Variants in RBKS observed in about 807,000 individuals in gnomAD.
RBKS encodes the protein ribokinase.
RBKS carries 33 observed loss-of-function variants against 33.9 expected under a neutral mutation model. The ratio of observed to expected loss-of-function variants is 0.97; its 90% CI spans 0.74 to 1.30. The LOEUF is 1.30. RBKS is among the 50% of genes most tolerant of loss of function. The pLI is 0.00. For synonymous variants in RBKS, 125 were observed against 143.0 expected (o/e 0.87, Z 0.90); for missense variants, 361 against 392.6 (o/e 0.92, Z 0.68).
Position 27,782,890 on chromosome 2 carries a change from T to G in RBKS, c.796-1102A>C, listed in dbSNP as rs142948029. On this transcript the variant is annotated intron_variant, in intron 7 of 7. Transcript: ENST00000302188. Reference sequence around the variant, plus strand: ...TTAAGGGTGGGGTTTCTATGCTCTATCTCCTTAAGGGTGGAGTTTCTACAT... The same window carrying G: ...TTAAGGGTGGGGTTTCTATGCTCTAGCTCCTTAAGGGTGGAGTTTCTACAT... 5.9e-3 allele frequency among the ~76,000 whole-genome samples: 904 copies of G among 152,314 alleles called. 14 individuals carry two copies. The highest frequency in any genetic ancestry group is 0.021 in the African/African-American group (856 of 41,554).
intron 1 of RBKS, among the ~76,000 whole-genome samples, chr2:27,885,875 A>T (rs1432239588): frequency 6.6e-6 from 1 of 152,188 alleles, no homozygotes; most frequent in Non-Finnish European, 1.5e-5. Flanking sequence ...ATGAATAATT[A>T]AAAAAATGGG....
At chr2:27,865,043 G>GGGC (rs1422328688) in intron 1 of RBKS, among the ~76,000 whole-genome samples, 1 of 152,126 alleles carries the variant, frequency 6.6e-6, no homozygotes, top group Admixed American at 6.5e-5. Flanking sequence ...TCTTTAGGCC[G>GGGC]GGCGCGACGG....
At chr2:27,791,198 G>A (rs1343992925) in intron 7 of RBKS, among the ~76,000 whole-genome samples, 1 of 152,204 alleles carries the variant, frequency 6.6e-6, no homozygotes, top group Admixed American at 6.5e-5. Context: ...TATGAGTTTT[G>A]TGATGGTGAA....
chr2:27,883,878 A>C (rs976472102), intron 1 of RBKS, among the ~76,000 whole-genome samples: 1 of 152,048 alleles, frequency 6.6e-6, no homozygotes, highest in Non-Finnish European at 1.5e-5. Context: ...TTTAATGTAT[A>C]TTTTCATTAA....
chr2:27,846,647 A>T (rs1202936765), intron 4 of RBKS, among the ~76,000 whole-genome samples: 1 of 152,236 alleles, frequency 6.6e-6, no homozygotes, highest in Non-Finnish European at 1.5e-5. Context: ...AATATGACTC[A>T]TCAAACTTTT....
At chr2:27,801,619 C>A (rs1043687823) in intron 7 of RBKS, among the ~76,000 whole-genome samples, 2 of 151,920 alleles carry the variant, frequency 1.3e-5, no homozygotes, top group Non-Finnish European at 2.9e-5. Flanking sequence ...GTGTGTTAGG[C>A]AGTTCTTGCA....
At position 27,785,483 on chromosome 2, in the gene RBKS, G is replaced by A. The variant is rs957339677; in HGVS notation, c.796-3695C>T. Among the ~76,000 whole-genome samples, 12 of 152,010 alleles carry A rather than the reference G, an allele frequency of 7.9e-5. No individual in the cohort carries two copies. The South Asian group carries it at 1.0e-3, about 13-fold the overall frequency. On this transcript the variant is annotated intron_variant, in intron 7 of 7. Coordinates refer to ENST00000302188, the MANE Select transcript of RBKS (RefSeq NM_022128.3). ...AATGACTAGAAAATGTGTAACGCTC[G>A]GATGGGTGCGATGGCTCATGCTTGT...
At chr2:27,832,058 T>C (rs902887060) in intron 6 of RBKS, among the ~76,000 whole-genome samples, 19 of 152,156 alleles carry the variant, frequency 1.2e-4, no homozygotes, top group Non-Finnish European at 2.5e-4. Flanking sequence ...GGGAGAAATA[T>C]TGAAATTTTC....
At chr2:27,858,609 G>C (rs778700179) in intron 1 of RBKS, 38 bp from the exon 2 acceptor site, 3 of 1,587,556 alleles carry the variant, frequency 1.9e-6, no homozygotes, top group Admixed American at 3.4e-5. Flanking sequence ...AAGCATATTG[G>C]TAACTGTAAT....
intron 7 of RBKS, among the ~76,000 whole-genome samples, chr2:27,799,818 TAGGCTGGCCC>T (rs1466249858): frequency 6.6e-6 from 1 of 152,156 alleles, no homozygotes; most frequent in Non-Finnish European, 1.5e-5. Context: ...GGCTCATACT[TAGGCTGGCCC>T]AGGGGCCAGG....
chr2:27,884,052 C>T (rs1664475421), intron 1 of RBKS, among the ~76,000 whole-genome samples: 1 of 152,100 alleles, frequency 6.6e-6, no homozygotes, highest in African/African-American at 2.4e-5. Context: ...ATATTATATT[C>T]CTCGAATACT....
chr2:27,801,963 AATATAT>A (rs869036134), intron 7 of RBKS, among the ~76,000 whole-genome samples: 9 of 47,608 alleles, frequency 1.9e-4, no homozygotes, highest in African/African-American at 4.9e-4. Context: ...AAAAAAAAAA[AATATAT>A]ATATATATAT....
chr2:27,801,992 ATTTTTTTTTT>A (rs1179237576), intron 7 of RBKS, among the ~76,000 whole-genome samples: 4 of 42,692 alleles, frequency 9.4e-5, no homozygotes, highest in African/African-American at 5.3e-4. Flanking sequence ...ATATATATAT[ATTTTTTTTTT>A]TTTTTTTTTT....
In RBKS at chr2:27,785,434, G is replaced by A. The variant is rs1677378544; in HGVS notation, c.796-3646C>T. ...TCAGAAAAGGAAATGTATATGGTAG[G>A]TAATAAACACACGAAAAGATGGTAA... is the stretch of plus-strand genomic sequence containing the variant. On this transcript the variant is annotated intron_variant, in intron 7 of 7. Coordinates refer to ENST00000302188, the MANE Select transcript of RBKS (RefSeq NM_022128.3). Among the ~76,000 whole-genome samples, 4 of 152,256 alleles carry A rather than the reference G, an allele frequency of 2.6e-5. No individual in the cohort carries two copies. The South Asian group carries it at 6.2e-4, about 24-fold the overall frequency.
chr2:27,864,312 A>G (rs567255064), intron 1 of RBKS, among the ~76,000 whole-genome samples: 132 of 152,170 alleles, frequency 8.7e-4, no homozygotes, highest in African/African-American at 3.1e-3. Context: ...CGTGAAACTC[A>G]TATCTTTTCC....
chr2:27,849,466 G>A (rs1182699315), intron 2 of RBKS, among the ~76,000 whole-genome samples: 1 of 148,002 alleles, frequency 6.8e-6, no homozygotes, highest in Non-Finnish European at 1.5e-5. Context: ...GAGAGGCTGA[G>A]GTAGAACTGC....
Position 27,861,956 on chromosome 2 carries a change from T to G in RBKS, c.90-3385A>C, listed in dbSNP as rs943814857. Among the ~76,000 whole-genome samples, 3 of 148,462 alleles carry G rather than the reference T, an allele frequency of 2.0e-5. No homozygotes were observed. The South Asian group carries it at 6.7e-4, about 33-fold the overall frequency. The stretch of plus-strand genomic sequence containing the variant: ...CATGGCGCCTGGCCTGATTTTTTTT[T>G]TTTTTTTTTTTTTGAGACAGAGTCT... On this transcript the variant is annotated intron_variant, in intron 1 of 7. Coordinates refer to ENST00000302188, the MANE Select transcript of RBKS (RefSeq NM_022128.3).
chr2:27,885,687 A>G (rs1664512894), intron 1 of RBKS, among the ~76,000 whole-genome samples: 1 of 152,150 alleles, frequency 6.6e-6, no homozygotes, highest in South Asian at 2.1e-4. Flanking sequence ...TTACATGTTT[A>G]ATTTTTCTCC....
intron 1 of RBKS, among the ~76,000 whole-genome samples, chr2:27,865,046 C>A (rs945752668): frequency 2.6e-5 from 4 of 152,164 alleles, no homozygotes; most frequent in South Asian, 2.1e-4. Context: ...TTAGGCCGGG[C>A]GCGACGGCTC....
Sources: allele counts gnomAD v4.1 joint callset (sites outside exome capture counted in the v4.1 genomes callset), GRCh38; gene constraint gnomAD v4.1.1; transcripts MANE v1.5; gene names NCBI Gene and HGNC (gene_info 2026-07-23, HGNC 2026-07-21).